Variants in BLTP1 observed in about 807,000 individuals in gnomAD.
The protein encoded by BLTP1 is fragile site-associated protein.
chr4:122,354,548 TTTTGGGA>T, the BLTP1 span, among the ~76,000 whole-genome samples: 18 of 151,974 alleles, frequency 1.2e-4, no homozygotes, highest in Non-Finnish European at 4.4e-5. Context: ...TTTGTGGTGC[TTTTGGGA>T]TTTGGGTTTA....
chr4:122,246,738 G>A, the BLTP1 span: 1 of 1,613,052 alleles, frequency 6.2e-7, no homozygotes, highest in African/African-American at 1.3e-5. Flanking sequence ...ACGGCTCCTA[G>A]TAGGAGTGTG....
the BLTP1 span, chr4:122,189,141 G>A: frequency 2.0e-3 from 1,765 of 870,974 alleles, 5 homozygotes; most frequent in Admixed American, 4.0e-3. Flanking sequence ...TTAATAATTT[G>A]TATAAAAAGA....
At chr4:122,261,958 C>A in the BLTP1 span, 1 of 985,372 alleles carries the variant, frequency 1.0e-6, no homozygotes, top group African/African-American at 1.7e-5. Context: ...GGCTTCACAG[C>A]ACTGGTATCC....
At chr4:122,275,998 C>T in the BLTP1 span, 1 of 1,581,292 alleles carries the variant, frequency 6.3e-7, no homozygotes, top group Non-Finnish European at 8.6e-7. Flanking sequence ...ACATCTCCTA[C>T]AAGTACAGCC....
the BLTP1 span, among the ~76,000 whole-genome samples, chr4:122,332,738 G>A: frequency 1.5e-5 from 2 of 136,194 alleles, no homozygotes; most frequent in Non-Finnish European, 3.1e-5. Context: ...CCACTAACTC[G>A]TCATCTAGCA....
chr4:122,269,005 A>T, the BLTP1 span: 4 of 467,238 alleles, frequency 8.6e-6, no homozygotes, highest in South Asian at 1.9e-4. Flanking sequence ...GAGACTTGTT[A>T]TTTAAGTAAA....
chr4:122,153,953 A>T, the BLTP1 span: 8 of 967,664 alleles, frequency 8.3e-6, no homozygotes, highest in Non-Finnish European at 9.8e-6. Context: ...GAAATCATAT[A>T]ATCAGAAATG....
At chr4:122,195,840 T>C in the BLTP1 span, among the ~76,000 whole-genome samples, 44,262 of 152,184 alleles carry the variant, frequency 0.29, 7,529 homozygotes, top group East Asian at 0.45. Flanking sequence ...CTGGTTCATC[T>C]AATTTTTCCC....
At chr4:122,180,135 CA>C in the BLTP1 span, 1 of 984,790 alleles carries the variant, frequency 1.0e-6, no homozygotes. Context: ...AGGAACTGGA[CA>C]AAGGAGGTAA....
the BLTP1 span, chr4:122,234,037 T>G: frequency 6.6e-6 from 1 of 152,286 alleles, no homozygotes; most frequent in Admixed American, 6.6e-5. Flanking sequence ...AAATAGACTG[T>G]AAATATGAGG....
chr4:122,306,660 C>A, the BLTP1 span: 1 of 949,234 alleles, frequency 1.1e-6, no homozygotes, highest in Non-Finnish European at 1.3e-6. Context: ...ACGAAATAAA[C>A]ATTGAGTAAG....
the BLTP1 span, chr4:122,234,596 T>G: frequency 1.0e-5 from 3 of 291,762 alleles, no homozygotes; most frequent in African/African-American, 6.8e-5. Context: ...CTATATTTTT[T>G]AGAAAGGCAA....
the BLTP1 span, chr4:122,179,919 A>G: frequency 1.5e-5 from 15 of 985,090 alleles, no homozygotes; most frequent in African/African-American, 1.7e-4. Flanking sequence ...TTCCAGATCA[A>G]TGGAGGCATA....
the BLTP1 span, chr4:122,301,085 T>TA: frequency 1.2e-6 from 1 of 840,672 alleles, no homozygotes; most frequent in Non-Finnish European, 1.4e-6. Flanking sequence ...TACAGTGTTT[T>TA]AATTGAATAT....
the BLTP1 span, chr4:122,272,173 T>C: frequency 1.2e-6 from 2 of 1,612,902 alleles, no homozygotes; most frequent in Non-Finnish European, 1.7e-6. Context: ...TTCGGAGCCC[T>C]ACAGAGCCAA....
At chr4:122,350,186 G>T in the BLTP1 span, 1 of 1,446,724 alleles carries the variant, frequency 6.9e-7, no homozygotes, top group Non-Finnish European at 9.1e-7. Flanking sequence ...TAGCCCACAG[G>T]CTCTTTATCT....
the BLTP1 span, chr4:122,272,507 A>T: frequency 7.8e-4 from 742 of 952,070 alleles, 3 homozygotes; most frequent in African/African-American, 9.4e-3. Context: ...TAATTGGCAA[A>T]TTTTTTTTTT....
the BLTP1 span, chr4:122,353,738 G>A: frequency 6.7e-7 from 1 of 1,487,256 alleles, no homozygotes; most frequent in Non-Finnish European, 9.1e-7. This position sits in a 1 kb window ranked among gnomAD's most constrained non-coding sequence, Gnocchi z 4.3. Flanking sequence ...TGAATTTATA[G>A]CTCTGAGGCC....
At chr4:122,255,945 G>T in the BLTP1 span, 3 of 458,584 alleles carry the variant, frequency 6.5e-6, no homozygotes, top group Non-Finnish European at 8.6e-6. Context: ...TTTTAAGCAA[G>T]AGAATAATCA....
Sources: gnomAD v4.1 joint callset for allele counts (sites outside exome capture counted in the v4.1 genomes callset) on GRCh38, gnomAD v4.1.1 for gene constraint, Gnocchi (gnomAD v3.1) non-coding constraint, MANE v1.5 for transcripts, NCBI Gene and HGNC (gene_info 2026-07-23, HGNC 2026-07-21) for gene names.